The following PIEZO2 variants were observed in gnomAD, a reference collection of about 807,000 sequenced individuals.
PIEZO2 encodes the protein piezo-type mechanosensitive ion channel component 2.
PIEZO2 carries 172 observed loss-of-function variants against 337.3 expected under a neutral mutation model. The ratio of observed to expected loss-of-function variants is 0.51; its 90% CI spans 0.45 to 0.58. The LOEUF (loss-of-function observed/expected upper bound fraction) is 0.58, where lower values mean the gene tolerates loss of function less well. PIEZO2 is among the 20% of genes least tolerant of loss of function. The probability of loss-of-function intolerance (pLI) is 0.00; values close to 1 mark genes in which losing one functional copy is unlikely to be tolerated. For missense variants in PIEZO2, 3,028 were observed against 3,391.3 expected (o/e 0.89, Z 2.66); for synonymous variants, 1,251 against 1,228.5 (o/e 1.02, Z -0.38).
Position 10,953,914 on chromosome 18 carries a change from T to C in PIEZO2, c.286+25621A>G, listed in dbSNP as rs1158551724. Among the ~76,000 whole-genome samples, 1 of 152,156 alleles carries C rather than the reference T, an allele frequency of 6.6e-6. No individual in the cohort carries two copies. Among genetic ancestry groups the C allele is most frequent in the Non-Finnish European group, 1.5e-5 (1 of 68,024 alleles). The stretch of plus-strand genomic sequence containing the variant: ...TGAGGACGATACTGCCTTGTTTTAA[T>C]GATTTGCGGCTGGCAGGGAACTGAA... On this transcript the variant is annotated intron_variant, in intron 3 of 55. Transcript: ENST00000674853. This position sits in a 1 kb window ranked among gnomAD's most constrained non-coding sequence, Gnocchi z 5.2.
At chr18:10,977,984 A>AT (rs2145478569) in intron 3 of PIEZO2, among the ~76,000 whole-genome samples, 1 of 152,268 alleles carries the variant, frequency 6.6e-6, no homozygotes, top group African/African-American at 2.4e-5. Context: ...GTGCTTTGGA[A>AT]TTAGACAGTG....
chr18:10,852,575 T>C (rs1326153690), intron 7 of PIEZO2, among the ~76,000 whole-genome samples: 1 of 152,240 alleles, frequency 6.6e-6, no homozygotes, highest in Non-Finnish European at 1.5e-5. Flanking sequence ...CTGGGCCCTC[T>C]CACACATTCT....
chr18:10,970,080 C>T (rs1011187305), intron 3 of PIEZO2, among the ~76,000 whole-genome samples: 2 of 152,102 alleles, frequency 1.3e-5, no homozygotes, highest in African/African-American at 4.8e-5. Flanking sequence ...CAGTGATTAT[C>T]ACTCAACATT....
intron 3 of PIEZO2, among the ~76,000 whole-genome samples, chr18:10,971,287 G>A (rs986003244): frequency 6.6e-6 from 1 of 152,140 alleles, no homozygotes; most frequent in African/African-American, 2.4e-5. Flanking sequence ...ATCTCAGGGC[G>A]ACACACACTT....
At chr18:10,751,773 G>A (rs183041682) in intron 28 of PIEZO2, among the ~76,000 whole-genome samples, 3 of 152,304 alleles carry the variant, frequency 2.0e-5, no homozygotes, top group Admixed American at 1.3e-4. Flanking sequence ...TTAAGTGAGC[G>A]CCAGCCAGAG....
chr18:11,041,058 C>G (rs1009151648), intron 2 of PIEZO2, among the ~76,000 whole-genome samples: 4 of 152,102 alleles, frequency 2.6e-5, no homozygotes, highest in African/African-American at 9.7e-5. Flanking sequence ...GGCACACAAC[C>G]TGGAAAGTTA....
intron 37 of PIEZO2, 132 bp downstream of exon 37, chr18:10,718,068 A>T: frequency 1.3e-6 from 1 of 777,678 alleles, no homozygotes; most frequent in Non-Finnish European, 2.1e-6. Flanking sequence ...TCCAAGGGAT[A>T]CTGATTATTT....
chr18:10,898,344 C>G (rs2042957590), intron 4 of PIEZO2, among the ~76,000 whole-genome samples: 1 of 152,010 alleles, frequency 6.6e-6, no homozygotes, highest in South Asian at 2.1e-4. Context: ...TGGCGTGAAC[C>G]CAGGAGGCAG....
rs547525607 is a variant in PIEZO2 at position 11,077,588 on chromosome 18, T to C, written c.65-11366A>G. Reference sequence around the variant, plus strand: ...TACATGGGAGACTGAGGTGGGAGGATTGCTTGAGCCCAGGAGTTCGAGGCT... The same window carrying C: ...TACATGGGAGACTGAGGTGGGAGGACTGCTTGAGCCCAGGAGTTCGAGGCT... On this transcript the variant is annotated intron_variant, in intron 1 of 55. Transcript: ENST00000674853. This position sits in a 1 kb window ranked among gnomAD's most constrained non-coding sequence, Gnocchi z 4.8. Among the ~76,000 whole-genome samples the C allele has an allele frequency of 6.6e-6, 1 of 152,282 alleles. No individual in the cohort carries two copies. The highest frequency in any genetic ancestry group is 6.5e-5 in the Admixed American group (1 of 15,302).
chr18:11,092,812 G>GC lies in PIEZO2; in HGVS notation c.65-26591dup, dbSNP rs757628941. The stretch of plus-strand genomic sequence containing the variant: ...ATTTATGGCATGAGGACCTTCTGTG[G>GC]CCCCCTCATCCCTTCACAGGGCCAC... On this transcript the variant is annotated intron_variant, in intron 1 of 55. Coordinates refer to ENST00000674853, the MANE Select transcript of PIEZO2 (RefSeq NM_001378183.1). The surrounding 1 kb of genome is among the most constrained non-coding windows in gnomAD (Gnocchi z 4.5). Among the ~76,000 whole-genome samples, 5 of 152,168 alleles carry GC rather than the reference G, an allele frequency of 3.3e-5. No homozygotes were observed. The highest frequency in any genetic ancestry group is 7.3e-5 in the Non-Finnish European group (5 of 68,034).
In PIEZO2 at chr18:10,676,916, C is replaced by G. The variant is rs150463349; in HGVS notation, c.8081+831G>C. Among the ~76,000 whole-genome samples the G allele has an allele frequency of 1.3e-5, 2 of 152,150 alleles. No homozygotes were observed. The highest frequency in any genetic ancestry group is 2.4e-5 in the African/African-American group (1 of 41,446). Reference sequence around the variant, plus strand: ...GGAGGCACCAATAGCCCAGTACCCCCGGGGGCAGGGCAGGGAGAATGCGAT... The same window carrying G: ...GGAGGCACCAATAGCCCAGTACCCCGGGGGGCAGGGCAGGGAGAATGCGAT... On this transcript the variant is annotated intron_variant, in intron 53 of 55. Coordinates refer to ENST00000674853, the MANE Select transcript of PIEZO2 (RefSeq NM_001378183.1). This position sits in a 1 kb window ranked among gnomAD's most constrained non-coding sequence, Gnocchi z 5.1.
rs997934618 is a variant in PIEZO2, at chr18:11,092,399, G to C, written c.65-26177C>G. ...ATGTGATTCAATTTTATTAAGATAT[G>C]TGAAATGATATCTCATATTTGTTTG... On this transcript the variant is annotated intron_variant, in intron 1 of 55. Transcript: ENST00000674853. This position sits in a 1 kb window ranked among gnomAD's most constrained non-coding sequence, Gnocchi z 4.5. Among the ~76,000 whole-genome samples, 1 of 152,184 alleles carries C rather than the reference G, an allele frequency of 6.6e-6. No homozygotes were observed. Among genetic ancestry groups the C allele is most frequent in the Admixed American group, 6.5e-5 (1 of 15,280 alleles).
In PIEZO2 at chr18:10,689,675, A is replaced by T; in HGVS notation, c.7477T>A (p.Cys2493Ser). ...CTTACCTTCTCCGACTCCCGCCAAC[A>T]CTTCAGGATGAATATGTGAGCATAG... ...DIYAHIFILK[C>S]WRESEKRYPQ... The change falls in exon 49 of 56, where the codon TGT (cysteine) becomes AGT (serine). Residue 2493 changes from cysteine to serine, a missense_variant. Transcript: ENST00000674853. 2 of 1,614,230 alleles carry T rather than the reference A, an allele frequency of 1.2e-6. No homozygotes were observed. The highest frequency in any genetic ancestry group is 1.7e-6 in the Non-Finnish European group (2 of 1,180,040).
At chr18:10,680,150 G>T in intron 52 of PIEZO2, 49 bp downstream of exon 52, 1 of 1,507,508 alleles carries the variant, frequency 6.6e-7, no homozygotes, top group Non-Finnish European at 9.1e-7. Flanking sequence ...CCAACTCCAT[G>T]TTTAGACTGG....
chr18:11,013,665 T>C (rs1283657671), intron 2 of PIEZO2, among the ~76,000 whole-genome samples: 1 of 152,194 alleles, frequency 6.6e-6, no homozygotes, highest in Non-Finnish European at 1.5e-5. Context: ...CTGTGCTCAC[T>C]CCCTGGTGGT....
intron 1 of PIEZO2, among the ~76,000 whole-genome samples, chr18:11,117,578 G>A (rs775146350): frequency 2.0e-4 from 30 of 152,304 alleles, no homozygotes; most frequent in African/African-American, 5.1e-4. Flanking sequence ...AATGTTTTCC[G>A]AAACTTTTAC....
At chr18:10,935,216 G>A (rs1477248905) in intron 3 of PIEZO2, among the ~76,000 whole-genome samples, 1 of 152,130 alleles carries the variant, frequency 6.6e-6, no homozygotes, top group Admixed American at 6.5e-5. Context: ...TATGCTGTGG[G>A]AGACCTGCAG....
At chr18:11,106,060 T>C (rs985104844) in intron 1 of PIEZO2, among the ~76,000 whole-genome samples, 3 of 152,190 alleles carry the variant, frequency 2.0e-5, no homozygotes, top group African/African-American at 7.2e-5. Context: ...TACACTATGC[T>C]GAAACCCACT....
chr18:10,798,362 G>GA (rs2039685468), intron 11 of PIEZO2, among the ~76,000 whole-genome samples: 1 of 152,220 alleles, frequency 6.6e-6, no homozygotes, highest in South Asian at 2.1e-4. Context: ...ATAAATGACT[G>GA]AAAAATCAGT....
Sources: gnomAD v4.1 joint callset for allele counts (sites outside exome capture counted in the v4.1 genomes callset) on GRCh38, gnomAD v4.1.1 for gene constraint, Gnocchi (gnomAD v3.1) non-coding constraint, MANE v1.5 for transcripts, NCBI Gene and HGNC (gene_info 2026-07-23, HGNC 2026-07-21) for gene names.